LRMDA: variants seen among roughly 807,000 people sequenced by gnomAD.
LRMDA encodes the protein leucine rich melanocyte differentiation associated, also known as leucine-rich melanocyte differentiation-associated protein.
A neutral mutation model predicts 29.8 loss-of-function variants in LRMDA; 18 were observed. The observed-to-expected ratio is 0.60, with a 90% CI of 0.42 to 0.90. The LOEUF is 0.90. LRMDA is among the 40% of genes least tolerant of loss of function. The pLI is 0.00. For synonymous variants in LRMDA, 125 were observed against 109.4 expected (o/e 1.14, Z -0.89); for missense variants, 273 against 273.9 (o/e 1.00, Z 0.02).
At chr10:76,292,834 G>T (rs756510543) in intron 5 of LRMDA, among the ~76,000 whole-genome samples, 2 of 152,038 alleles carry the variant, frequency 1.3e-5, no homozygotes, top group Non-Finnish European at 2.9e-5. Flanking sequence ...TCCCAATTGG[G>T]CATTAAGATG....
At chr10:76,001,001 C>T (rs1159144989) in intron 2 of LRMDA, among the ~76,000 whole-genome samples, 1 of 152,100 alleles carries the variant, frequency 6.6e-6, no homozygotes, top group East Asian at 1.9e-4. Context: ...CAGTTCTAGG[C>T]CCCGGGGAGG....
chr10:75,499,424 C>T (rs1040581966), intron 2 of LRMDA, among the ~76,000 whole-genome samples: 2 of 152,130 alleles, frequency 1.3e-5, no homozygotes, highest in African/African-American at 4.8e-5. Context: ...CTTCGTACTC[C>T]CCAGCGGGAT....
At position 75,651,840 on chromosome 10, in the gene LRMDA, G is replaced by A. The variant is rs117369253; in HGVS notation, c.131+213346G>A. The stretch of plus-strand genomic sequence containing the variant: ...AGGGTTTTGATGAAAGATATGGTAT[G>A]AGCCCCTAAAGCACTTAAGGGTACC... On this transcript the variant is annotated intron_variant, in intron 2 of 6. Transcript: ENST00000611255. Among the ~76,000 whole-genome samples, 111 of 152,246 alleles carry A rather than the reference G, an allele frequency of 7.3e-4. 1 individual carries two copies. In the Middle Eastern group the frequency reaches 0.01, roughly 14 times the overall value.
intron 2 of LRMDA, among the ~76,000 whole-genome samples, chr10:75,712,069 T>C (rs543530424): frequency 2.0e-5 from 3 of 152,152 alleles, no homozygotes; most frequent in African/African-American, 7.2e-5. Flanking sequence ...TCCCATAAAC[T>C]GCACTTGACT....
chr10:75,637,323 G>T (rs1841400996), intron 2 of LRMDA, among the ~76,000 whole-genome samples: 1 of 152,202 alleles, frequency 6.6e-6, no homozygotes, highest in Non-Finnish European at 1.5e-5. Flanking sequence ...GGAAAGTTGT[G>T]CTGTTGCAGG....
At chr10:76,390,757 C>T (rs1021374800) in intron 6 of LRMDA, among the ~76,000 whole-genome samples, 1 of 152,114 alleles carries the variant, frequency 6.6e-6, no homozygotes, top group Non-Finnish European at 1.5e-5. Flanking sequence ...TCTGCTCCAG[C>T]TCAGTAGCCA....
chr10:76,502,963 T>C (rs1842925690), intron 6 of LRMDA, among the ~76,000 whole-genome samples: 1 of 151,984 alleles, frequency 6.6e-6, no homozygotes, highest in African/African-American at 2.4e-5. Flanking sequence ...CATATTTGTC[T>C]TGTTACAGTT....
chr10:76,224,091 G>T (rs1394261655), intron 5 of LRMDA, among the ~76,000 whole-genome samples: 2 of 152,082 alleles, frequency 1.3e-5, no homozygotes, highest in African/African-American at 4.8e-5. Context: ...CACAGTGGTT[G>T]CTAAGCCCTG....
intron 5 of LRMDA, among the ~76,000 whole-genome samples, chr10:76,155,736 G>A (rs576481337): frequency 2.0e-5 from 3 of 152,242 alleles, no homozygotes; most frequent in East Asian, 3.9e-4. Flanking sequence ...AACTTTTGCT[G>A]TATTAGGGTG....
intron 5 of LRMDA, among the ~76,000 whole-genome samples, chr10:76,156,082 C>G (rs748180273): frequency 3.3e-5 from 5 of 152,124 alleles, no homozygotes; most frequent in Non-Finnish European, 7.3e-5. Context: ...GAAAGTAACT[C>G]AAACACAGTC....
At chr10:76,046,413 T>G (rs563668262) in intron 3 of LRMDA, among the ~76,000 whole-genome samples, 22 of 152,320 alleles carry the variant, frequency 1.4e-4, no homozygotes, top group Non-Finnish European at 5.9e-5. Flanking sequence ...TCTTTCATTC[T>G]CTAATTCCCT....
At chr10:75,917,392 C>T (rs534625072) in intron 2 of LRMDA, among the ~76,000 whole-genome samples, 23 of 152,272 alleles carry the variant, frequency 1.5e-4, no homozygotes, top group Non-Finnish European at 2.6e-4. Flanking sequence ...CTAGAGAACA[C>T]GACTCCATGC....
In LRMDA at chr10:75,521,704, C is replaced by T. The variant is rs1016549076; in HGVS notation, c.131+83210C>T. 4.6e-5 allele frequency among the ~76,000 whole-genome samples: 7 copies of T among 152,320 alleles called. No individual in the cohort carries two copies. The South Asian group carries it at 1.2e-3, about 27-fold the overall frequency. ...CCCTGCCCTGCTTTGGCTCGCCCTC[C>T]GTGGGCTGCACCCACTGTCCAACCA... On this transcript the variant is annotated intron_variant, in intron 2 of 6. Coordinates refer to ENST00000611255, the MANE Select transcript of LRMDA (RefSeq NM_001305581.2).
chr10:75,672,733 A>G (rs900668646), intron 2 of LRMDA, among the ~76,000 whole-genome samples: 1 of 149,156 alleles, frequency 6.7e-6, no homozygotes, highest in Non-Finnish European at 1.5e-5. Context: ...CAGGTGCCAC[A>G]GCTAATTTTT....
At chr10:76,359,791 C>T (rs993223814) in intron 6 of LRMDA, among the ~76,000 whole-genome samples, 8 of 152,222 alleles carry the variant, frequency 5.3e-5, no homozygotes, top group Middle Eastern at 3.4e-3. Flanking sequence ...GTTAGAATAG[C>T]GGCTTTTGAA....
At chr10:75,874,670 A>G (rs1476433170) in intron 2 of LRMDA, among the ~76,000 whole-genome samples, 2 of 152,194 alleles carry the variant, frequency 1.3e-5, no homozygotes, top group Non-Finnish European at 2.9e-5. Flanking sequence ...TAGTGTAGTG[A>G]TGTTTCTACA....
intron 6 of LRMDA, among the ~76,000 whole-genome samples, chr10:76,414,748 C>T (rs1361830479): frequency 2.0e-5 from 3 of 152,114 alleles, no homozygotes; most frequent in South Asian, 2.1e-4. Flanking sequence ...GCTGGCTGCC[C>T]GAGTCATGGG....
chr10:76,028,919 C>A (rs961502283), intron 2 of LRMDA, among the ~76,000 whole-genome samples: 1 of 151,154 alleles, frequency 6.6e-6, no homozygotes, highest in Non-Finnish European at 1.5e-5. Context: ...CAGGTTCAAG[C>A]GATTCTCCTG....
chr10:76,307,957 T>C (rs2132372920), intron 5 of LRMDA, among the ~76,000 whole-genome samples: 1 of 152,290 alleles, frequency 6.6e-6, no homozygotes, highest in South Asian at 2.1e-4. Flanking sequence ...AATCTTATTT[T>C]CCTGAACTGT....
Sources: gnomAD v4.1 joint callset for allele counts (sites outside exome capture counted in the v4.1 genomes callset) on GRCh38, gnomAD v4.1.1 for gene constraint, MANE v1.5 for transcripts, NCBI Gene and HGNC (gene_info 2026-07-23, HGNC 2026-07-21) for gene names.